DAB1: variants seen among roughly 807,000 people sequenced by gnomAD.
The protein encoded by DAB1 is DAB adaptor protein 1.
DAB1 carries 15 observed loss-of-function variants against 64.6 expected under a neutral mutation model. The ratio of observed to expected loss-of-function variants is 0.23; its 90% CI spans 0.16 to 0.36. The LOEUF (loss-of-function observed/expected upper bound fraction) is 0.36. DAB1 is among the 10% of genes least tolerant of loss of function. DAB1 has a pLI of 1.00. For synonymous variants in DAB1, 235 were observed against 251.9 expected (o/e 0.93, Z 0.64); for missense variants, 596 against 706.7 (o/e 0.84, Z 1.78).
At chr1:58,411,299 C>G (rs1458682143) in intron 3 of DAB1, among the ~76,000 whole-genome samples, 1 of 152,144 alleles carries the variant, frequency 6.6e-6, no homozygotes, top group African/African-American at 2.4e-5. Flanking sequence ...ATTCCAACTC[C>G]ATTATCTAGT....
intron 4 of DAB1, among the ~76,000 whole-genome samples, chr1:58,320,486 T>C (rs537866648): frequency 3.9e-5 from 6 of 152,312 alleles, no homozygotes; most frequent in Admixed American, 3.9e-4. Context: ...CTTCGAGAAA[T>C]GAAGTGACTT....
At chr1:58,225,869 G>A (rs1156778251) in intron 4 of DAB1, among the ~76,000 whole-genome samples, 1 of 148,656 alleles carries the variant, frequency 6.7e-6, no homozygotes, top group Non-Finnish European at 1.5e-5. Context: ...TACATGACAA[G>A]TTAATGGGTG....
chr1:57,822,979 A>T (rs1312715940), downstream of DAB1, among the ~76,000 whole-genome samples: 3 of 135,902 alleles, frequency 2.2e-5, no homozygotes, highest in Non-Finnish European at 4.6e-5. Flanking sequence ...AAAATAATTT[A>T]GGAATTTTTT....
intron 6 of DAB1, among the ~76,000 whole-genome samples, chr1:57,683,578 C>A (rs1290989928): frequency 1.3e-5 from 2 of 152,196 alleles, no homozygotes; most frequent in Admixed American, 1.3e-4. Flanking sequence ...AAATAAAGAT[C>A]TTGTACAGAG....
At chr1:58,303,323 T>C (rs1483682500) in intron 4 of DAB1, among the ~76,000 whole-genome samples, 1 of 151,718 alleles carries the variant, frequency 6.6e-6, no homozygotes, top group Admixed American at 6.5e-5. Flanking sequence ...GGTGCCTCAG[T>C]TGACCCCACT....
chr1:57,874,578 T>C (rs1419967271), intron 1 of DAB1, among the ~76,000 whole-genome samples: 2 of 151,966 alleles, frequency 1.3e-5, no homozygotes, highest in Admixed American at 1.3e-4. Flanking sequence ...CAGCTGTCTG[T>C]TTGCTAAGAT....
intron 9 of DAB1, among the ~76,000 whole-genome samples, chr1:57,050,069 G>A (rs1391185076): frequency 1.3e-5 from 2 of 152,070 alleles, no homozygotes; most frequent in Non-Finnish European, 2.9e-5. Flanking sequence ...CTATCCCTAA[G>A]GACAGTAGCC....
chr1:57,421,782 T>C (rs1426970932), intron 1 of DAB1, among the ~76,000 whole-genome samples: 1 of 151,976 alleles, frequency 6.6e-6, no homozygotes, highest in Non-Finnish European at 1.5e-5. Context: ...AGTTGACTTT[T>C]ATACAGCTTT....
intron 3 of DAB1, among the ~76,000 whole-genome samples, chr1:58,498,315 T>TG (rs1372818234): frequency 6.6e-6 from 1 of 152,148 alleles, no homozygotes; most frequent in East Asian, 1.9e-4. Context: ...ACTTCACCCT[T>TG]GATTTTACAA....
In DAB1 at chr1:58,363,905, T is replaced by C. The variant is rs559149943; in HGVS notation, n.258-20502A>G. Among the ~76,000 whole-genome samples, 15 of 152,312 alleles carry C rather than the reference T, an allele frequency of 9.8e-5. 1 individual carries two copies. Among genetic ancestry groups the C allele is most frequent in the South Asian group, 4.1e-4 (2 of 4,828 alleles). On this transcript the variant is annotated intron_variant and non_coding_transcript_variant, in intron 3 of 20. Coordinates refer to the DAB1 transcript ENST00000485760. The stretch of plus-strand genomic sequence containing the variant: ...CCCGGAAAGACCCTGGGGCTTTCCA[T>C]AGAACAGTGCATGGATTGGGTATTA...
intron 6 of DAB1, among the ~76,000 whole-genome samples, chr1:57,703,638 A>G (rs1408153190): frequency 6.6e-6 from 1 of 152,202 alleles, no homozygotes; most frequent in Non-Finnish European, 1.5e-5. Context: ...TGATTCCTCA[A>G]AGACCTAAGG....
intron 6 of DAB1, among the ~76,000 whole-genome samples, chr1:57,671,011 A>G (rs897294512): frequency 6.6e-5 from 10 of 152,180 alleles, no homozygotes; most frequent in African/African-American, 2.4e-4. Context: ...CAATGCCTAC[A>G]TGTCACTTCA....
chr1:57,348,158 GC>G (rs1678270498), intron 1 of DAB1, among the ~76,000 whole-genome samples: 1 of 152,124 alleles, frequency 6.6e-6, no homozygotes, highest in Non-Finnish European at 1.5e-5. Flanking sequence ...TTCAAAACTT[GC>G]CGAGTGTTTC....
intron 7 of DAB1, among the ~76,000 whole-genome samples, chr1:57,644,737 A>G (rs1165662342): frequency 1.3e-5 from 2 of 152,024 alleles, no homozygotes; most frequent in Admixed American, 6.6e-5. Flanking sequence ...GCCTTACGCA[A>G]TTGTGGGTGC....
chr1:57,489,368 A>C (rs1644133945), intron 7 of DAB1, among the ~76,000 whole-genome samples: 1 of 152,190 alleles, frequency 6.6e-6, no homozygotes, highest in Non-Finnish European at 1.5e-5. Context: ...TAGCTGTTGC[A>C]CTGGGTCTAC....
Position 58,267,245 on chromosome 1 carries a change from A to C in DAB1, n.309+76107T>G, listed in dbSNP as rs368939534. 4.6e-5 allele frequency among the ~76,000 whole-genome samples: 7 copies of C among 152,290 alleles called. No homozygotes were observed. In the East Asian group the frequency reaches 9.6e-4, roughly 21 times the overall value. ...AAAAAAATAAATGAAATAAAATAAAAAATAATATAAGTAGAAAAAAATGTA... is the reference window on the plus strand; with the variant it reads ...AAAAAAATAAATGAAATAAAATAAACAATAATATAAGTAGAAAAAAATGTA... On this transcript the variant is annotated intron_variant and non_coding_transcript_variant, in intron 4 of 20. Coordinates refer to the DAB1 transcript ENST00000485760.
intron 5 of DAB1, among the ~76,000 whole-genome samples, chr1:58,086,044 A>G (rs1650286093): frequency 7.0e-6 from 1 of 142,152 alleles, no homozygotes. Context: ...GCTCACTGCA[A>G]GCTCCGCCTC....
At chr1:57,833,284 A>G (rs1652673972) in intron 1 of DAB1, among the ~76,000 whole-genome samples, 1 of 152,212 alleles carries the variant, frequency 6.6e-6, no homozygotes, top group Admixed American at 6.5e-5. Flanking sequence ...TTCCTATTTT[A>G]TAGATTTGGA....
At chr1:58,275,409 T>A (rs961112450) in intron 4 of DAB1, among the ~76,000 whole-genome samples, 1 of 152,160 alleles carries the variant, frequency 6.6e-6, no homozygotes, top group African/African-American at 2.4e-5. Context: ...TGGGAGAAAG[T>A]ATTCATAAAT....
Sources: gnomAD v4.1 joint callset for allele counts (sites outside exome capture counted in the v4.1 genomes callset) on GRCh38, gnomAD v4.1.1 for gene constraint, MANE v1.5 for transcripts, NCBI Gene and HGNC (gene_info 2026-07-23, HGNC 2026-07-21) for gene names.